Variants in CACNA2D1 observed in about 807,000 individuals in gnomAD.
CACNA2D1 encodes voltage-dependent calcium channel subunit alpha-2/delta-1.
In CACNA2D1, 53 loss-of-function variants were observed where a neutral mutation model predicts 171.5. The ratio of observed to expected loss-of-function variants is 0.31; its 90% CI spans 0.25 to 0.39. CACNA2D1 has a LOEUF of 0.39. Among genes scored for constraint, CACNA2D1 ranks in the 10% least tolerant of loss-of-function variants. CACNA2D1 has a pLI of 1.00. For missense variants in CACNA2D1, 903 were observed against 1,299.8 expected (o/e 0.69, Z 4.69); for synonymous variants, 442 against 443.1 (o/e 1.00, Z 0.03).
At chr7:82,216,442 T>C (rs1010550369) in intron 3 of CACNA2D1, among the ~76,000 whole-genome samples, 2 of 152,194 alleles carry the variant, frequency 1.3e-5, no homozygotes, top group African/African-American at 4.8e-5. Context: ...ATTATACTGT[T>C]TAACTTTCTC....
At chr7:82,245,842 T>A (rs1268696375) in intron 3 of CACNA2D1, among the ~76,000 whole-genome samples, 2 of 152,188 alleles carry the variant, frequency 1.3e-5, no homozygotes, top group Non-Finnish European at 1.5e-5. Flanking sequence ...TGGCGTAACA[T>A]AAACTATTGA....
In CACNA2D1 at chr7:81,967,163, T is replaced by C. The variant is rs1223607199; in HGVS notation, c.2502+6A>G. On this transcript the variant is annotated splice_donor_region_variant and intron_variant, in intron 31 of 38. Coordinates refer to ENST00000356860, the MANE Select transcript of CACNA2D1 (RefSeq NM_000722.4). ...ACTCAAAAGTGATTTTAAATAGTTT[T>C]CTTACGTCACTGTTTCTTTTGCAGT... The C allele has an allele frequency of 5.6e-6, 9 of 1,602,666 alleles. No homozygotes were observed. The highest frequency in any genetic ancestry group is 3.4e-5 in the Admixed American group (2 of 59,630).
chr7:82,124,668 T>C (rs1790131678), intron 5 of CACNA2D1, among the ~76,000 whole-genome samples: 2 of 152,212 alleles, frequency 1.3e-5, no homozygotes, highest in African/African-American at 4.8e-5. Flanking sequence ...ATCCACTTGC[T>C]CAAGCCCGCT....
At chr7:82,289,632 A>T (rs1811273795) in intron 3 of CACNA2D1, among the ~76,000 whole-genome samples, 1 of 152,254 alleles carries the variant, frequency 6.6e-6, no homozygotes, top group Non-Finnish European at 1.5e-5. Flanking sequence ...AACACCATTT[A>T]ACCTAACAGA....
intron 1 of CACNA2D1, among the ~76,000 whole-genome samples, chr7:82,424,343 A>G (rs1193014058): frequency 2.6e-5 from 4 of 152,174 alleles, no homozygotes; most frequent in Admixed American, 6.5e-5. Flanking sequence ...ATTAAAAAGC[A>G]CGTCATCGTT....
At chr7:82,206,883 A>C (rs1800048742) in intron 3 of CACNA2D1, among the ~76,000 whole-genome samples, 1 of 152,244 alleles carries the variant, frequency 6.6e-6, no homozygotes, top group Admixed American at 6.5e-5. Flanking sequence ...TATATATAAT[A>C]TTCTTTAGAG....
At chr7:82,045,101 A>G (rs1584524542) in intron 10 of CACNA2D1, among the ~76,000 whole-genome samples, 1 of 116,442 alleles carries the variant, frequency 8.6e-6, no homozygotes, top group East Asian at 2.5e-4. Flanking sequence ...CAATAAATGA[A>G]TAGAAAAGCC....
intron 3 of CACNA2D1, among the ~76,000 whole-genome samples, chr7:82,228,893 GT>G: frequency 6.6e-6 from 1 of 152,158 alleles, no homozygotes; most frequent in South Asian, 2.1e-4. Context: ...GGGATCTCTG[GT>G]TGCAAGACCA....
intron 7 of CACNA2D1, among the ~76,000 whole-genome samples, chr7:82,084,295 A>G (rs1810180919): frequency 2.0e-5 from 3 of 152,032 alleles, no homozygotes; most frequent in Non-Finnish European, 4.4e-5. Flanking sequence ...GAAAAACTCT[A>G]TTTTCTTTGT....
intron 4 of CACNA2D1, among the ~76,000 whole-genome samples, chr7:82,161,240 C>T (rs756122452): frequency 1.3e-4 from 20 of 151,928 alleles, no homozygotes; most frequent in Non-Finnish European, 2.4e-4. Context: ...GGTTTTATGG[C>T]TTCAGGAAAG....
intron 3 of CACNA2D1, among the ~76,000 whole-genome samples, chr7:82,210,952 G>A (rs1800484020): frequency 6.6e-6 from 1 of 152,112 alleles, no homozygotes; most frequent in Non-Finnish European, 1.5e-5. Flanking sequence ...AAAAATACCT[G>A]AGGTTTTTTA....
chr7:82,222,908 TTTTGTTTG>T (rs1210277311), intron 3 of CACNA2D1, among the ~76,000 whole-genome samples: 3 of 148,782 alleles, frequency 2.0e-5, no homozygotes, highest in Admixed American at 6.7e-5. Flanking sequence ...CTTTTTTTTT[TTTTGTTTG>T]TTTGTTTGTT....
At position 82,292,657 on chromosome 7, in the gene CACNA2D1, A is replaced by C. The variant is rs140419347; in HGVS notation, c.294+42478T>G. The stretch of plus-strand genomic sequence containing the variant: ...GCCTTTTTGACTATTATTCCAATGT[A>C]CTGTCATTTATCTTTCTCTCTGGAG... On this transcript the variant is annotated intron_variant, in intron 3 of 38. Coordinates refer to ENST00000356860, the MANE Select transcript of CACNA2D1 (RefSeq NM_000722.4). Among the ~76,000 whole-genome samples the C allele has an allele frequency of 3.3e-4, 50 of 152,174 alleles. 2 individuals are homozygous for C. The South Asian group carries it at 6.8e-3, about 21-fold the overall frequency.
intron 3 of CACNA2D1, among the ~76,000 whole-genome samples, chr7:82,327,400 A>G (rs1430628644): frequency 6.6e-6 from 1 of 152,190 alleles, no homozygotes; most frequent in Non-Finnish European, 1.5e-5. Flanking sequence ...ACTCTGTTTA[A>G]ATCACCCTTT....
chr7:82,407,758 G>C (rs1827209852), intron 1 of CACNA2D1, among the ~76,000 whole-genome samples: 1 of 151,998 alleles, frequency 6.6e-6, no homozygotes, highest in Non-Finnish European at 1.5e-5. Context: ...TATTCCTGGG[G>C]ACTAGACACT....
chr7:82,041,366 T>C (rs1487561912), intron 10 of CACNA2D1, among the ~76,000 whole-genome samples: 1 of 152,142 alleles, frequency 6.6e-6, no homozygotes, highest in Non-Finnish European at 1.5e-5. Flanking sequence ...AACTTCATTA[T>C]TCTAGGAAAG....
chr7:82,251,344 T>C (rs1481791628), intron 3 of CACNA2D1, among the ~76,000 whole-genome samples: 2 of 152,162 alleles, frequency 1.3e-5, no homozygotes, highest in African/African-American at 2.4e-5. Flanking sequence ...CACAAAACTA[T>C]GTTTTGGGTA....
chr7:82,185,502 G>GGAGGAGGGGGAGGGGA (rs1299316338), intron 3 of CACNA2D1, among the ~76,000 whole-genome samples: 1 of 9,614 alleles, frequency 1.0e-4, no homozygotes, highest in Non-Finnish European at 2.8e-4. Flanking sequence ...GGGGAGGGGA[G>GGAGGAGGGGGAGGGGA]GGGGAGGGGG....
rs200114409 is a variant in CACNA2D1, at chr7:82,332,564, A to AAGAAAGAAAGAAAG, written c.294+2570_294+2571insCTTTCTTTCTTTCT. 5.7e-3 allele frequency among the ~76,000 whole-genome samples: 815 copies of AAGAAAGAAAGAAAG among 144,130 alleles called. 13 individuals carry two copies. The highest frequency in any genetic ancestry group is 0.011 in the Middle Eastern group (3 of 284). The allele number at this position is 144,130 out of a possible 152,430, so 94.6% of individuals were successfully genotyped here. A position where few individuals can be genotyped will look rare whatever the true frequency, so the allele number is the denominator to read the frequency against. On this transcript the variant is annotated intron_variant, in intron 3 of 38. Transcript: ENST00000356860. ...AAAGAAAGAAAGAAAGAAAGAAAGA[A>AAGAAAGAAAGAAAG]AGAACGAACAGAAAATTTTTGAGGG...
Sources: allele counts gnomAD v4.1 joint callset (sites outside exome capture counted in the v4.1 genomes callset), GRCh38; gene constraint gnomAD v4.1.1; transcripts MANE v1.5; gene names NCBI Gene and HGNC (gene_info 2026-07-23, HGNC 2026-07-21).